ZZZ3: variants seen among roughly 807,000 people sequenced by gnomAD.
ZZZ3 encodes ZZ-type zinc finger-containing protein 3.
ZZZ3 carries 22 observed loss-of-function variants against 95.2 expected under a neutral mutation model. The observed-to-expected ratio is 0.23, with a 90% CI of 0.17 to 0.33. ZZZ3 has a LOEUF of 0.33. Ranked by LOEUF, ZZZ3 falls within the 10% of genes least tolerant of loss-of-function variation. The pLI, the probability that ZZZ3 is intolerant of heterozygous loss-of-function variation, is 1.00. For synonymous variants in ZZZ3, 335 were observed against 358.9 expected, an observed-to-expected ratio of 0.93 and a Z score of 0.75; for missense variants, 885 against 1,066.5, an observed-to-expected ratio of 0.83 and a Z score of 2.37.
rs1668974258 is a variant in ZZZ3, at chr1:77,643,542, G to A, written c.-402-1887C>T. 2.0e-5 allele frequency among the ~76,000 whole-genome samples: 3 copies of A among 152,162 alleles called. No homozygotes were observed. In the South Asian group the frequency reaches 6.2e-4, roughly 31 times the overall value. ...CCATCTTATTTATTCCCTTGGAACA[G>A]AGCTTTGCTTGTTTTCATGTACTAA... On this transcript the variant is annotated intron_variant, in intron 1 of 14. Transcript: ENST00000370801.
intron 5 of ZZZ3, among the ~76,000 whole-genome samples, chr1:77,618,983 T>G (rs1666596351): frequency 6.6e-6 from 1 of 152,172 alleles, no homozygotes; most frequent in South Asian, 2.1e-4. Flanking sequence ...TTGAGTTTTC[T>G]CTCTTAAAAT....
intron 12 of ZZZ3, among the ~76,000 whole-genome samples, chr1:77,571,948 A>G (rs1661433892): frequency 6.6e-6 from 1 of 152,246 alleles, no homozygotes; most frequent in African/African-American, 2.4e-5. Context: ...CCAAAATTAA[A>G]AGAAAAATTT....
intron 5 of ZZZ3, among the ~76,000 whole-genome samples, chr1:77,619,369 C>CA (rs1315169843): frequency 1.3e-5 from 2 of 152,146 alleles, no homozygotes; most frequent in Non-Finnish European, 2.9e-5. Context: ...AGCATCTACT[C>CA]AAAATTATGA....
At chr1:77,657,315 C>T (rs113620238) in intron 1 of ZZZ3, among the ~76,000 whole-genome samples, 4,025 of 152,246 alleles carry the variant, frequency 0.026, 56 homozygotes, top group Middle Eastern at 0.078. Context: ...TTCATAAACA[C>T]GGAACTCACA....
At chr1:77,665,599 A>C (rs1439532621) in intron 1 of ZZZ3, among the ~76,000 whole-genome samples, 1 of 152,224 alleles carries the variant, frequency 6.6e-6, no homozygotes, top group Non-Finnish European at 1.5e-5. Flanking sequence ...TTAAGTTTAA[A>C]AGTGTATGAA....
At chr1:77,656,065 C>T (rs1179449128) in intron 1 of ZZZ3, among the ~76,000 whole-genome samples, 1 of 152,138 alleles carries the variant, frequency 6.6e-6, no homozygotes, top group Non-Finnish European at 1.5e-5. Flanking sequence ...TTCAGCAAGG[C>T]CTAGGTGAAA....
chr1:77,651,358 G>T (rs370639970), intron 1 of ZZZ3, among the ~76,000 whole-genome samples: 1 of 152,100 alleles, frequency 6.6e-6, no homozygotes, highest in East Asian at 1.9e-4. Flanking sequence ...CAGCGTGGGC[G>T]ACAGAGAGAG....
chr1:77,679,506 T>C (rs1384604517), intron 1 of ZZZ3, among the ~76,000 whole-genome samples: 14 of 151,926 alleles, frequency 9.2e-5, no homozygotes. Context: ...TCTGACTATG[T>C]TGTTGCTGGT....
intron 5 of ZZZ3, among the ~76,000 whole-genome samples, chr1:77,601,756 A>G (rs1016137154): frequency 1.3e-5 from 2 of 152,152 alleles, no homozygotes; most frequent in Admixed American, 1.3e-4. Flanking sequence ...TAAGCCCTTT[A>G]CAACCTCTAG....
intron 5 of ZZZ3, among the ~76,000 whole-genome samples, chr1:77,610,695 T>G (rs1299677292): frequency 6.6e-6 from 1 of 151,702 alleles, no homozygotes; most frequent in African/African-American, 2.4e-5. Context: ...ATCAACAGAA[T>G]GAAGGACAAA....
At chr1:77,587,333 C>T (rs1220660227) in intron 5 of ZZZ3, among the ~76,000 whole-genome samples, 2 of 138,606 alleles carry the variant, frequency 1.4e-5, no homozygotes, top group African/African-American at 2.7e-5. Context: ...GGTGTGATCT[C>T]GGCTCCCTGC....
chr1:77,581,076 A>T lies in ZZZ3; in HGVS notation c.1909-7T>A, dbSNP rs375563833. On this transcript the variant is annotated splice_region_variant and splice_polypyrimidine_tract_variant and intron_variant, in intron 8 of 14. Coordinates refer to ENST00000370801, the MANE Select transcript of ZZZ3 (RefSeq NM_015534.6). The stretch of plus-strand genomic sequence containing the variant: ...ACAAGCGTCCTCTTATCATCTGCAC[A>T]TAAGACAAGGCTTTTGTCAGAGAGA... 6.2e-7 allele frequency: 1 copy of T among 1,613,288 alleles called. No individual in the cohort carries two copies.
chr1:77,677,554 C>T (rs1672377065), intron 1 of ZZZ3, among the ~76,000 whole-genome samples: 1 of 152,072 alleles, frequency 6.6e-6, no homozygotes, highest in African/African-American at 2.4e-5. Flanking sequence ...AAATTTATCC[C>T]TTTTGATTAA....
Position 77,632,333 on chromosome 1 carries a change from G to A in ZZZ3, c.1022C>T (p.Thr341Ile), listed in dbSNP as rs1296244588. ...CKENTNNELD[T>I]SLESMPASGE... ...GGAGGCTGGCATACTCTCAAGACTTGTGTCCAGTTCGTTATTGGTGTTTTC... is the reference window on the plus strand; with the variant it reads ...GGAGGCTGGCATACTCTCAAGACTTATGTCCAGTTCGTTATTGGTGTTTTC... Residue 341 changes from threonine to isoleucine, a missense_variant, in exon 5 of 15, where the codon ACA (threonine) becomes ATA (isoleucine). Transcript: ENST00000370801. The A allele has an allele frequency of 1.2e-6, 2 of 1,614,082 alleles. No individual in the cohort carries two copies. Among genetic ancestry groups the A allele is most frequent in the Non-Finnish European group, 1.7e-6 (2 of 1,180,032 alleles).
intron 1 of ZZZ3, among the ~76,000 whole-genome samples, chr1:77,679,897 G>C (rs1672592857): frequency 6.6e-6 from 1 of 152,076 alleles, no homozygotes; most frequent in African/African-American, 2.4e-5. Flanking sequence ...GTAAAAGACT[G>C]GTATTTCCCA....
intron 5 of ZZZ3, among the ~76,000 whole-genome samples, chr1:77,623,562 C>A (rs1181920022): frequency 6.6e-6 from 1 of 152,168 alleles, no homozygotes; most frequent in Admixed American, 6.5e-5. Context: ...ACAGGCTACT[C>A]TGTACTTCCC....
At chr1:77,634,848 G>C (rs80234666) in intron 4 of ZZZ3, among the ~76,000 whole-genome samples, 7,827 of 152,110 alleles carry the variant, frequency 0.051, 294 homozygotes, top group African/African-American at 0.11. Context: ...TCTATTCCCC[G>C]ACTCCTCTTC....
intron 5 of ZZZ3, among the ~76,000 whole-genome samples, chr1:77,605,230 T>C (rs898829109): frequency 6.6e-5 from 10 of 152,118 alleles, no homozygotes; most frequent in African/African-American, 2.4e-4. Context: ...CTATGATTAA[T>C]GAGAGAGAGG....
chr1:77,664,476 G>A (rs560022557), intron 1 of ZZZ3, among the ~76,000 whole-genome samples: 19 of 152,240 alleles, frequency 1.2e-4, no homozygotes, highest in Non-Finnish European at 2.5e-4. Context: ...TAGGCTCCTC[G>A]AAGGAATAGA....
Sources: allele counts gnomAD v4.1 joint callset (sites outside exome capture counted in the v4.1 genomes callset), GRCh38; gene constraint gnomAD v4.1.1; transcripts MANE v1.5; gene names NCBI Gene and HGNC (gene_info 2026-07-23, HGNC 2026-07-21).